The following POU6F2 variants were observed in gnomAD, a reference collection of about 807,000 sequenced individuals.
The protein encoded by POU6F2 is POU domain, class 6, transcription factor 2.
In POU6F2, 31 loss-of-function variants were observed where a neutral mutation model predicts 71.3. That is an observed-to-expected ratio of 0.43 (90% CI 0.33 to 0.59). POU6F2 has a LOEUF of 0.59. POU6F2 is among the 20% of genes least tolerant of loss of function. The pLI is 0.04. For synonymous variants in POU6F2, 347 were observed against 355.7 expected (o/e 0.98, Z 0.27); for missense variants, 783 against 856.8 (o/e 0.91, Z 1.07).
intron 2 of POU6F2, among the ~76,000 whole-genome samples, chr7:39,088,747 T>C (rs1001405051): frequency 5.9e-5 from 9 of 152,186 alleles, no homozygotes; most frequent in African/African-American, 2.2e-4. Flanking sequence ...CAAGCAGAGC[T>C]CAGGGTTTTT....
At chr7:39,015,288 G>T (rs1274150817) in intron 1 of POU6F2, among the ~76,000 whole-genome samples, 3 of 126,102 alleles carry the variant, frequency 2.4e-5, no homozygotes, top group African/African-American at 3.1e-5. Context: ...ATTATATAGA[G>T]ATATATCTAT....
rs111228297 is a variant in POU6F2, at chr7:39,173,838, A to T, written c.278-30397A>T. Reference sequence around the variant, plus strand: ...TTCCAAGTGGTGGATGGGAATGTAGAGGGAACCACAGGTTCTTAGCATGGC... The same window carrying T: ...TTCCAAGTGGTGGATGGGAATGTAGTGGGAACCACAGGTTCTTAGCATGGC... On this transcript the variant is annotated intron_variant, in intron 2 of 9. Coordinates refer to ENST00000518318, the MANE Select transcript of POU6F2 (RefSeq NM_001370959.1). Among the ~76,000 whole-genome samples the T allele has an allele frequency of 1.9e-3, 283 of 152,314 alleles. 3 individuals carry two copies. The highest frequency in any genetic ancestry group is 6.4e-3 in the African/African-American group (265 of 41,558).
chr7:39,344,050 C>T (rs533962231), intron 5 of POU6F2, among the ~76,000 whole-genome samples: 3 of 152,208 alleles, frequency 2.0e-5, no homozygotes, highest in Non-Finnish European at 4.4e-5. Context: ...CTGCTATAAG[C>T]TCTGGTCCCA....
intron 2 of POU6F2, among the ~76,000 whole-genome samples, chr7:39,125,662 C>T (rs1361662450): frequency 6.6e-6 from 1 of 152,014 alleles, no homozygotes; most frequent in Non-Finnish European, 1.5e-5. Flanking sequence ...ATAAAGAAAG[C>T]CCATTTTTGC....
At chr7:39,008,382 T>C (rs918086872) in intron 1 of POU6F2, among the ~76,000 whole-genome samples, 2 of 152,204 alleles carry the variant, frequency 1.3e-5, no homozygotes, top group Non-Finnish European at 2.9e-5. Flanking sequence ...TTGTTTTTTC[T>C]TGTAAATTTG....
At chr7:39,086,956 C>T (rs574215357) in intron 2 of POU6F2, among the ~76,000 whole-genome samples, 34 of 151,626 alleles carry the variant, frequency 2.2e-4, no homozygotes, top group African/African-American at 7.3e-4. Context: ...TTTTCAAGTG[C>T]GTGTGTGTGC....
chr7:39,013,762 G>A (rs1789395919), intron 1 of POU6F2, among the ~76,000 whole-genome samples: 1 of 151,548 alleles, frequency 6.6e-6, no homozygotes, highest in Non-Finnish European at 1.5e-5. Flanking sequence ...AACACCAAGG[G>A]AGTGGAGCTG....
At chr7:39,212,907 T>C (rs1482552451) in intron 4 of POU6F2, among the ~76,000 whole-genome samples, 1 of 152,154 alleles carries the variant, frequency 6.6e-6, no homozygotes, top group Non-Finnish European at 1.5e-5. Flanking sequence ...TTTTGAAACA[T>C]AGGCAGGAAA....
intron 4 of POU6F2, among the ~76,000 whole-genome samples, chr7:39,328,116 T>C (rs1211431078): frequency 6.6e-6 from 1 of 152,202 alleles, no homozygotes; most frequent in Non-Finnish European, 1.5e-5. Context: ...AGATGGGGTT[T>C]CACCATGTTG....
chr7:38,983,395 CTTT>C (rs5883668), intron 1 of POU6F2, among the ~76,000 whole-genome samples: 1 of 130,574 alleles, frequency 7.7e-6, no homozygotes, highest in South Asian at 2.4e-4. Context: ...TCCCTCCTTT[CTTT>C]TTTTTTTTTT....
In POU6F2 at chr7:39,187,617, C is replaced by CT. The variant is rs756065979; in HGVS notation, c.278-16616dup. ...AGCATTTTGGATTTGAGAGCCGCTACTTCTGGGGGTGAGGCAGAGAAACCA... is the reference window on the plus strand; with the variant it reads ...AGCATTTTGGATTTGAGAGCCGCTACTTTCTGGGGGTGAGGCAGAGAAACCA... On this transcript the variant is annotated intron_variant, in intron 2 of 9. Transcript: ENST00000518318. 4.1e-4 allele frequency among the ~76,000 whole-genome samples: 62 copies of CT among 152,356 alleles called. 1 individual carries two copies. Among genetic ancestry groups the CT allele is most frequent in the Middle Eastern group, 6.8e-3 (2 of 294 alleles).
intron 1 of POU6F2, among the ~76,000 whole-genome samples, chr7:39,036,050 G>T (rs1212311285): frequency 6.6e-6 from 1 of 152,132 alleles, no homozygotes; most frequent in Non-Finnish European, 1.5e-5. Context: ...AGGCGTGCGG[G>T]AGAGGAGAGG....
At chr7:39,011,031 C>T (rs1368300228) in intron 1 of POU6F2, among the ~76,000 whole-genome samples, 1 of 135,608 alleles carries the variant, frequency 7.4e-6, no homozygotes, top group Non-Finnish European at 1.6e-5. Flanking sequence ...CTGTAGATGT[C>T]TATTAGGTCC....
At chr7:38,993,504 A>G (rs910138393) in intron 1 of POU6F2, among the ~76,000 whole-genome samples, 4 of 142,770 alleles carry the variant, frequency 2.8e-5, no homozygotes, top group African/African-American at 7.8e-5. Context: ...GGGATTTCTC[A>G]GGGGTTGCAG....
In POU6F2 at chr7:39,331,157, A is replaced by G. The variant is rs141221361; in HGVS notation, c.599-8485A>G. Among the ~76,000 whole-genome samples the G allele has an allele frequency of 4.2e-3, 639 of 152,242 alleles. 2 individuals are homozygous for G. Among genetic ancestry groups the G allele is most frequent in the African/African-American group, 0.015 (614 of 41,534 alleles). On this transcript the variant is annotated intron_variant, in intron 4 of 9. Transcript: ENST00000518318. ...GTATTCCGTTATGGATATGTACCAC[A>G]TTTTCTTTATCCATTCACAGTTGCT...
At chr7:39,218,791 G>T (rs1262328347) in intron 4 of POU6F2, among the ~76,000 whole-genome samples, 1 of 152,114 alleles carries the variant, frequency 6.6e-6, no homozygotes, top group Non-Finnish European at 1.5e-5. Context: ...GAAAGAGAGA[G>T]GAGATCCCTA....
chr7:39,369,981 A>C (rs1032142870), intron 5 of POU6F2, among the ~76,000 whole-genome samples: 1 of 152,180 alleles, frequency 6.6e-6, no homozygotes, highest in African/African-American at 2.4e-5. Flanking sequence ...CCCAGCCTAA[A>C]GTATTTTTAT....
At chr7:39,240,667 G>A (rs968149271) in intron 4 of POU6F2, among the ~76,000 whole-genome samples, 1 of 152,016 alleles carries the variant, frequency 6.6e-6, no homozygotes, top group Non-Finnish European at 1.5e-5. Flanking sequence ...ATAGCAACTG[G>A]CACAAAGTAG....
At chr7:39,412,643 T>C (rs192492219) in intron 6 of POU6F2, among the ~76,000 whole-genome samples, 1 of 152,278 alleles carries the variant, frequency 6.6e-6, no homozygotes, top group Non-Finnish European at 1.5e-5. Context: ...TTCACATATA[T>C]TACTTTATTT....
Sources: allele counts gnomAD v4.1 joint callset (sites outside exome capture counted in the v4.1 genomes callset), GRCh38; gene constraint gnomAD v4.1.1; transcripts MANE v1.5; gene names NCBI Gene and HGNC (gene_info 2026-07-23, HGNC 2026-07-21).